Variants in KCNT1 observed in about 807,000 individuals in gnomAD.
KCNT1 encodes potassium channel subfamily T member 1.
A neutral mutation model predicts 147.8 loss-of-function variants in KCNT1; 78 were observed. That is an observed-to-expected ratio of 0.53 (90% CI 0.44 to 0.64). The LOEUF (loss-of-function observed/expected upper bound fraction) is 0.64. Among genes scored for constraint, KCNT1 ranks in the 30% least tolerant of loss-of-function variants. The probability of loss-of-function intolerance (pLI) is 0.00; values close to 1 mark genes in which losing one functional copy is unlikely to be tolerated. For missense variants in KCNT1, 1,419 were observed against 1,750.3 expected, an observed-to-expected ratio of 0.81 and a Z score of 3.38; for synonymous variants, 867 against 748.8, an observed-to-expected ratio of 1.16 and a Z score of -2.58.
chr9:135,709,703 T>C (rs1266601460), intron 1 of KCNT1, among the ~76,000 whole-genome samples: 1 of 152,162 alleles, frequency 6.6e-6, no homozygotes, highest in African/African-American at 2.4e-5. Flanking sequence ...TTTTTTGAGA[T>C]GGAGTCTCGC....
chr9:135,721,728 A>G (rs187881289), intron 2 of KCNT1, among the ~76,000 whole-genome samples: 58 of 152,266 alleles, frequency 3.8e-4, no homozygotes, highest in African/African-American at 1.3e-3. Flanking sequence ...GAGTGAGTGA[A>G]ATGCATGTCA....
chr9:135,711,000 C>G (rs1377840317), intron 1 of KCNT1, among the ~76,000 whole-genome samples: 2 of 152,162 alleles, frequency 1.3e-5, no homozygotes, highest in East Asian at 1.9e-4. Context: ...TGCTCCTGCT[C>G]TCCATGGTGC....
At position 135,708,123 on chromosome 9, in the gene KCNT1, C is replaced by T. The variant is rs879746426; in HGVS notation, c.110+5755C>T. ...GGACACTAAGCCCAGCACTCAGACA[C>T]CCCCACCACAGTGATGCTATGCCTG... On this transcript the variant is annotated intron_variant, in intron 1 of 30. Transcript: ENST00000371757. Among the ~76,000 whole-genome samples the T allele has an allele frequency of 1.3e-5, 2 of 152,348 alleles. 1 individual carries two copies. Among genetic ancestry groups the T allele is most frequent in the South Asian group, 4.1e-4 (2 of 4,830 alleles).
chr9:135,750,276 G>T, intron 3 of KCNT1, 99 bp downstream of exon 3: 1 of 968,644 alleles, frequency 1.0e-6, no homozygotes, highest in East Asian at 2.5e-5. Context: ...TGAGCTCAGG[G>T]AGAGTCCATG....
intron 11 of KCNT1, among the ~76,000 whole-genome samples, chr9:135,761,329 G>T (rs1213040754): frequency 6.6e-6 from 1 of 152,214 alleles, no homozygotes; most frequent in Non-Finnish European, 1.5e-5. Flanking sequence ...GGGTGGAGCT[G>T]GGTTCTCCCC....
At chr9:135,739,865 G>C (rs894699864) in intron 2 of KCNT1, among the ~76,000 whole-genome samples, 1 of 152,210 alleles carries the variant, frequency 6.6e-6, no homozygotes, top group Admixed American at 6.5e-5. Flanking sequence ...CGCAGGGGTG[G>C]GGCTGTGTTC....
chr9:135,744,613 C>T (rs1012737722), intron 2 of KCNT1, among the ~76,000 whole-genome samples: 4 of 152,238 alleles, frequency 2.6e-5, no homozygotes, highest in East Asian at 3.8e-4. Context: ...GGGGCTACAG[C>T]GGGCTTCAGC....
At chr9:135,706,738 C>T (rs1186584343) in intron 1 of KCNT1, among the ~76,000 whole-genome samples, 3 of 152,234 alleles carry the variant, frequency 2.0e-5, no homozygotes, top group Non-Finnish European at 2.9e-5. Flanking sequence ...CTGTGACAGA[C>T]AGCCAGGGCT....
intron 2 of KCNT1, among the ~76,000 whole-genome samples, chr9:135,726,479 C>T (rs1328363712): frequency 6.6e-6 from 1 of 152,082 alleles, no homozygotes; most frequent in Non-Finnish European, 1.5e-5. Context: ...ACCCCCACCC[C>T]GTTCCAAGCC....
intron 9 of KCNT1, among the ~76,000 whole-genome samples, 197 bp from the exon 10 acceptor site, chr9:135,758,215 AGG>A (rs1382977770): frequency 6.8e-6 from 1 of 147,384 alleles, no homozygotes; most frequent in African/African-American, 2.5e-5. Context: ...GCCGAGACGC[AGG>A]TGTGGCCAGG....
intron 11 of KCNT1, among the ~76,000 whole-genome samples, chr9:135,762,424 A>T (rs1269751431): frequency 1.3e-5 from 2 of 152,002 alleles, no homozygotes; most frequent in Non-Finnish European, 2.9e-5. Context: ...TAGCCTATGC[A>T]ACAGAGAGTG....
chr9:135,721,365 A>G (rs4842027), intron 2 of KCNT1, among the ~76,000 whole-genome samples: 70,254 of 152,138 alleles, frequency 0.46, 16,359 homozygotes, highest in East Asian at 0.62. Context: ...CAGGCGTACT[A>G]ATAGGGCAGG....
In KCNT1 at chr9:135,772,757, C is replaced by A; in HGVS notation, c.2051C>A (p.Thr684Lys). ...MDLQGTEHRP[T>K]QSGGGGGGSK... ...CTGCAGGGCACAGAGCACCGGCCTA[C>A]GCAGAGCGGCGGTGGGGGCGGGGGC... Residue 684 changes from threonine (T) to lysine (K), a missense_variant, in exon 19 of 31, where the codon ACG becomes AAG. By Grantham distance (78) the Thr-to-Lys change is moderately conservative. Around this residue, in one of 5 missense-constraint regions of KCNT1, gnomAD observed 284 missense variants for 292.8 expected, o/e 0.97. Transcript: ENST00000371757. 1 of 1,471,664 alleles carries A rather than the reference C, an allele frequency of 6.8e-7. No homozygotes were observed. Among genetic ancestry groups the A allele is most frequent in the South Asian group, 1.4e-5 (1 of 71,194 alleles). The allele number at this position is 1,471,664 out of a possible 1,614,324, so 91.2% of individuals were successfully genotyped here.
intron 9 of KCNT1, among the ~76,000 whole-genome samples, chr9:135,757,773 G>A (rs1255605427): frequency 6.6e-6 from 1 of 152,098 alleles, no homozygotes; most frequent in Non-Finnish European, 1.5e-5. Context: ...CCTGGGCCAC[G>A]GGGCCACAGG....
intron 2 of KCNT1, among the ~76,000 whole-genome samples, chr9:135,716,242 G>C (rs541743730): frequency 9.2e-5 from 14 of 152,350 alleles, no homozygotes; most frequent in African/African-American, 3.1e-4. Context: ...GCAGGAAGTG[G>C]TGTCCATCCG....
In KCNT1 at chr9:135,786,303, G is replaced by A. The variant is rs1206215512; in HGVS notation, c.3284G>A (p.Gly1095Asp). 1.9e-6 allele frequency: 3 copies of A among 1,603,626 alleles called. No individual in the cohort carries two copies. The highest frequency in any genetic ancestry group is 2.7e-5 in the African/African-American group (2 of 74,822). The change falls in exon 29 of 31, where the codon GGC (glycine) becomes GAC (aspartate). Residue 1095 changes from glycine (G) to aspartate (D), a missense_variant. Physicochemically the swap from Gly to Asp is moderately conservative, Grantham distance 94. This residue lies in a region of KCNT1 where 306 missense variants were observed against 294.2 expected (regional missense o/e 1.04). Coordinates refer to ENST00000371757, the MANE Select transcript of KCNT1 (RefSeq NM_020822.3). ...GGCAGCTCCCAGGGCCGCCACACGG[G>A]CGGCGGTGACCCCGCAGAGCACCCA... Reference protein sequence around the residue: ...TGGSSQGRHTGGGDPAEHPLL... With the variant: ...TGGSSQGRHTDGGDPAEHPLL...
intron 13 of KCNT1, among the ~76,000 whole-genome samples, chr9:135,766,205 C>T (rs1417989009): frequency 1.3e-5 from 2 of 151,438 alleles, no homozygotes; most frequent in South Asian, 2.1e-4. Flanking sequence ...CAGGGGGGAC[C>T]ATCCAGGGTG....
rs368109779 is a variant in KCNT1 at position 135,786,554 on chromosome 9, G to A, written c.3502+33G>A. 120 of 1,528,926 alleles carry A rather than the reference G, an allele frequency of 7.8e-5. No homozygotes were observed. The Middle Eastern group carries it at 1.3e-3, about 17-fold the overall frequency. 94.7% of individuals were successfully genotyped at this position (1,528,926 alleles called of 1,614,324 possible). Reference sequence around the variant, plus strand: ...CACACGGCGCGGGTGGGGGCCGGACGGACGGACTGGGCCAGGGTCGGGCCA... The same window carrying A: ...CACACGGCGCGGGTGGGGGCCGGACAGACGGACTGGGCCAGGGTCGGGCCA... On this transcript the variant is annotated intron_variant, in intron 29 of 30. Transcript: ENST00000371757.
intron 29 of KCNT1, chr9:135,789,502 C>T (rs756366826): frequency 5.3e-5 from 8 of 152,332 alleles, no homozygotes; most frequent in Non-Finnish European, 1.0e-4. Flanking sequence ...TCACACAAAT[C>T]CCCTCTTCAC....
Sources: gnomAD v4.1 joint callset for allele counts (sites outside exome capture counted in the v4.1 genomes callset) on GRCh38, gnomAD v4.1.1 for gene constraint, gnomAD v4.1.1 regional missense constraint, MANE v1.5 for transcripts, NCBI Gene and HGNC (gene_info 2026-07-23, HGNC 2026-07-21) for gene names.